MTFR1L: variants seen among roughly 807,000 people sequenced by gnomAD.
MTFR1L encodes the protein mitochondrial fission regulator 1 like.
MTFR1L carries 10 observed loss-of-function variants against 27.9 expected under a neutral mutation model. The ratio of observed to expected loss-of-function variants is 0.36; its 90% CI spans 0.22 to 0.61. MTFR1L has a LOEUF of 0.61. Among genes scored for constraint, MTFR1L ranks in the 20% least tolerant of loss-of-function variants. MTFR1L has a pLI of 0.73. For synonymous variants in MTFR1L, 151 were observed against 139.4 expected, an observed-to-expected ratio of 1.08 and a Z score of -0.58; for missense variants, 315 against 363.7, an observed-to-expected ratio of 0.87 and a Z score of 1.09.
At chr1:25,820,726 CG>C in intron 1 of MTFR1L, 3 of 434,392 alleles carry the variant, frequency 6.9e-6, no homozygotes, top group South Asian at 1.6e-5. Flanking sequence ...CACTTGGGGG[CG>C]GGGGTGACAG....
chr1:25,829,679 T>C lies in MTFR1L; in HGVS notation c.622T>C (p.Ser208Pro). ...GCTTCCATCAGTCCCCCTGCTTTGT[T>C]CTGCCAGCCCTGAATGTTGCAAACC... ...PELPSVPLLC[S>P]ASPECCKPEH... The change falls in exon 6 of 7, where the codon TCT becomes CCT. Residue 208 changes from serine (S) to proline (P), a missense_variant. Physicochemically the swap from Ser to Pro is moderately conservative, Grantham distance 74. Transcript: ENST00000374303. 1 of 1,614,188 alleles carries C rather than the reference T, an allele frequency of 6.2e-7. No homozygotes were observed. Among genetic ancestry groups the C allele is most frequent in the South Asian group, 1.1e-5 (1 of 91,086 alleles).
chr1:25,820,519 C>G (rs1459343205), intron 1 of MTFR1L: 1 of 356,132 alleles, frequency 2.8e-6, no homozygotes, highest in Non-Finnish European at 5.3e-6. Flanking sequence ...CAAAGTTTCA[C>G]TGAGCGCGGC....
rs529991693 is a variant in MTFR1L, at chr1:25,827,149, T to TC, written c.451+324dup. On this transcript the variant is annotated intron_variant, in intron 5 of 6. Transcript: ENST00000374303. ...TAAGCCCACAGTAGCTTTTTTTTTT[T>TC]CTCCTCTGAGTGAGTCTTGCTCTGT... Among the ~76,000 whole-genome samples, 202 of 152,198 alleles carry TC rather than the reference T, an allele frequency of 1.3e-3. 2 individuals carry two copies. The highest frequency in any genetic ancestry group is 4.6e-3 in the African/African-American group (189 of 41,530).
chr1:25,823,227 C>T, intron 2 of MTFR1L, 99 bp downstream of exon 2: 1 of 1,220,202 alleles, frequency 8.2e-7, no homozygotes, highest in Non-Finnish European at 1.2e-6. Context: ...GTTGAGCACT[C>T]CTTTCTCCAG....
At chr1:25,823,908 T>A (rs545616320) in intron 3 of MTFR1L, among the ~76,000 whole-genome samples, 160 bp downstream of exon 3, 1 of 152,212 alleles carries the variant, frequency 6.6e-6, no homozygotes, top group Admixed American at 6.5e-5. Flanking sequence ...CACTGTGTCC[T>A]CCTGAGTGCA....
rs2048253676 is a variant in MTFR1L at position 25,832,175 on chromosome 1, G to A, written c.*149G>A. 2 of 1,545,318 alleles carry A rather than the reference G, an allele frequency of 1.3e-6. No individual in the cohort carries two copies. Among genetic ancestry groups the A allele is most frequent in the Non-Finnish European group, 1.7e-6 (2 of 1,149,728 alleles). ...GAGCTTGGACTGAAAGAGAAGAGCT[G>A]GATTATATATTTCCCAGACTTCAAA... On this transcript the variant is annotated 3_prime_UTR_variant, in exon 7 of 7. Transcript: ENST00000374303.
chr1:25,832,463 T>C lies in MTFR1L; in HGVS notation c.*437T>C. On this transcript the variant is annotated 3_prime_UTR_variant, in exon 7 of 7. Coordinates refer to ENST00000374303, the MANE Select transcript of MTFR1L (RefSeq NM_001099625.2). ...GCTGAGGGGAAGGGGCTATGAATGTTTGTATACATGTTCACAGGGCACGGA... is the reference window on the plus strand; with the variant it reads ...GCTGAGGGGAAGGGGCTATGAATGTCTGTATACATGTTCACAGGGCACGGA... 2.5e-6 allele frequency: 1 copy of C among 394,314 alleles called. No individual in the cohort carries two copies. Among genetic ancestry groups the C allele is most frequent in the South Asian group, 2.9e-5 (1 of 34,852 alleles). The allele number at this position is 394,314 out of a possible 1,614,324, so 24.4% of individuals were successfully genotyped here. A position where few individuals can be genotyped will look rare whatever the true frequency, so the allele number is the denominator to read the frequency against.
Position 25,826,886 on chromosome 1 carries a change from G to T in MTFR1L, c.451+60G>T. ...GGCTGTTCCTTTCCCCTGGCTCTTG[G>T]GCAGGATAGGGGTAAAGAAAGTGGT... On this transcript the variant is annotated intron_variant, in intron 5 of 6. Coordinates refer to ENST00000374303, the MANE Select transcript of MTFR1L (RefSeq NM_001099625.2). The surrounding 1 kb of genome is among the most constrained non-coding windows in gnomAD (Gnocchi z 4.1). 1 of 1,565,254 alleles carries T rather than the reference G, an allele frequency of 6.4e-7. No individual in the cohort carries two copies. Among genetic ancestry groups the T allele is most frequent in the East Asian group, 2.3e-5 (1 of 43,242 alleles).
At chr1:25,830,350 A>G (rs968615884) in intron 6 of MTFR1L, among the ~76,000 whole-genome samples, 1 of 152,190 alleles carries the variant, frequency 6.6e-6, no homozygotes, top group Non-Finnish European at 1.5e-5. Flanking sequence ...GTAGTTCCGA[A>G]ACCTAGCTGC....
chr1:25,826,161 G>A lies in MTFR1L; in HGVS notation c.130-141G>A, dbSNP rs6690684. 0.013 allele frequency: 8,254 copies of A among 648,794 alleles called. 549 individuals carry two copies. The African/African-American group carries it at 0.13, about 11-fold the overall frequency. The allele number at this position is 648,794 out of a possible 1,614,324, so 40.2% of individuals were successfully genotyped here. Reference sequence around the variant, plus strand: ...CATCTGGCCTCTGTTCAATGTTTTCGACCAGGAACCTTCTTCTGCCCCCTC... The same window carrying A: ...CATCTGGCCTCTGTTCAATGTTTTCAACCAGGAACCTTCTTCTGCCCCCTC... On this transcript the variant is annotated intron_variant, in intron 3 of 6. Transcript: ENST00000374303. The surrounding 1 kb of genome is among the most constrained non-coding windows in gnomAD (Gnocchi z 4.1).
intron 3 of MTFR1L, among the ~76,000 whole-genome samples, chr1:25,824,173 G>A (rs2048137406): frequency 6.6e-6 from 1 of 152,180 alleles, no homozygotes; most frequent in Admixed American, 6.5e-5. Flanking sequence ...ACCATGCCCA[G>A]CTCCACTATT....
In MTFR1L at chr1:25,829,792, C is replaced by T. The variant is rs781333539; in HGVS notation, c.735C>T (p.Ile245=). The T allele has an allele frequency of 2.5e-6, 4 of 1,607,190 alleles. No individual in the cohort carries two copies. The South Asian group carries it at 3.3e-5, about 13-fold the overall frequency. Reference sequence around the variant, plus strand: ...GCAGCTTTGCAGACATGATGGGTATCCTGAAGGACTTTCACCGAATGAAAC... The same window carrying T: ...GCAGCTTTGCAGACATGATGGGTATTCTGAAGGACTTTCACCGAATGAAAC... ...KASSFADMMG[I]LKDFHRMKQS... is the part of the protein sequence containing the mutation. Residue 245 remains isoleucine (I), a synonymous_variant, in exon 6 of 7, where the codon ATC becomes ATT. Coordinates refer to ENST00000374303, the MANE Select transcript of MTFR1L (RefSeq NM_001099625.2).
intron 5 of MTFR1L, among the ~76,000 whole-genome samples, chr1:25,827,911 G>A (rs755628892): frequency 3.3e-5 from 5 of 152,010 alleles, no homozygotes; most frequent in African/African-American, 4.8e-5. Context: ...ATTTTTAGTA[G>A]AGATAGGGTT....
chr1:25,831,565 C>T (rs896498526), intron 6 of MTFR1L, among the ~76,000 whole-genome samples: 9 of 152,204 alleles, frequency 5.9e-5, no homozygotes, highest in African/African-American at 2.2e-4. Context: ...GAAAACAGGG[C>T]CAGAAGGCAG....
Position 25,826,112 on chromosome 1 carries a change from G to C in MTFR1L, c.130-190G>C. On this transcript the variant is annotated intron_variant, in intron 3 of 6. Transcript: ENST00000374303. The surrounding 1 kb of genome is among the most constrained non-coding windows in gnomAD (Gnocchi z 4.1). ...GGCCTCCCAAATGCTGGGATTACAG[G>C]TGTGAGCCACCATGCCTGACTGTCA... 1.8e-6 allele frequency: 1 copy of C among 559,564 alleles called. No homozygotes were observed. Among genetic ancestry groups the C allele is most frequent in the South Asian group, 2.1e-5 (1 of 47,344 alleles). 34.7% of individuals were successfully genotyped at this position (559,564 alleles called of 1,614,324 possible).
At chr1:25,831,489 A>C (rs563133135) in intron 6 of MTFR1L, among the ~76,000 whole-genome samples, 3 of 152,286 alleles carry the variant, frequency 2.0e-5, no homozygotes, top group African/African-American at 7.2e-5. Flanking sequence ...CAGAACTATC[A>C]AGGGTCAGAA....
Position 25,832,903 on chromosome 1 carries a change from A to G in MTFR1L, c.*877A>G, listed in dbSNP as rs946245971. ...ATACTGCTTGTGTTTGGGTTGAAGC[A>G]CTACCTGACATTAAAGGAAGGACTT... On this transcript the variant is annotated 3_prime_UTR_variant, in exon 7 of 7. Transcript: ENST00000374303. The G allele has an allele frequency of 1.9e-4, 29 of 152,414 alleles. No individual in the cohort carries two copies. Among genetic ancestry groups the G allele is most frequent in the African/African-American group, 7.0e-4 (29 of 41,394 alleles). The allele number at this position is 152,414 out of a possible 1,614,324, so 9.4% of individuals were successfully genotyped here. A position where few individuals can be genotyped will look rare whatever the true frequency, so the allele number is the denominator to read the frequency against.
At chr1:25,823,480 T>G in intron 2 of MTFR1L, 164 bp from the exon 3 acceptor site, 1 of 1,161,328 alleles carries the variant, frequency 8.6e-7, no homozygotes, top group Non-Finnish European at 1.2e-6. Context: ...GGCTGGCAAC[T>G]GGGGAACCTG....
chr1:25,827,383 A>G (rs907701215), intron 5 of MTFR1L, among the ~76,000 whole-genome samples: 1 of 151,646 alleles, frequency 6.6e-6, no homozygotes, highest in Non-Finnish European at 1.5e-5. Flanking sequence ...TGACCCACCC[A>G]CCTCAGCCTC....
Sources: allele counts gnomAD v4.1 joint callset (sites outside exome capture counted in the v4.1 genomes callset), GRCh38; gene constraint gnomAD v4.1.1; non-coding constraint Gnocchi (gnomAD v3.1); transcripts MANE v1.5; gene names NCBI Gene and HGNC (gene_info 2026-07-23, HGNC 2026-07-21).